PRIM2: variants seen among roughly 807,000 people sequenced by gnomAD.
The protein encoded by PRIM2 is DNA primase large subunit.
In PRIM2, 39 loss-of-function variants were observed where a neutral mutation model predicts 67.3. The observed-to-expected ratio is 0.58, with a 90% CI of 0.45 to 0.76. PRIM2 has a LOEUF of 0.76. Among genes scored for constraint, PRIM2 ranks in the 30% least tolerant of loss-of-function variants. The pLI is 0.00. For missense variants in PRIM2, 398 were observed against 598.7 expected (o/e 0.66, Z 3.50); for synonymous variants, 143 against 198.7 (o/e 0.72, Z 2.36).
intron 8 of PRIM2, among the ~76,000 whole-genome samples, chr6:57,526,439 G>A (rs1364729945): frequency 6.6e-6 from 1 of 152,112 alleles, no homozygotes; most frequent in East Asian, 1.9e-4. Flanking sequence ...TAAACTTGTG[G>A]AAAATTAGTG....
intron 10 of PRIM2, among the ~76,000 whole-genome samples, chr6:57,592,294 A>G (rs1316639084): frequency 4.9e-4 from 74 of 152,342 alleles, no homozygotes; most frequent in African/African-American, 1.7e-3. Context: ...ACAAACCTGC[A>G]TGTGTAATAA....
the PRIM2 span, among the ~76,000 whole-genome samples, chr6:57,294,625 A>G: frequency 6.6e-6 from 1 of 151,274 alleles, no homozygotes; most frequent in Non-Finnish European, 1.5e-5. Flanking sequence ...ATGTATAAAT[A>G]TATACATATA....
At chr6:57,291,184 C>G in the PRIM2 span, among the ~76,000 whole-genome samples, 1 of 152,116 alleles carries the variant, frequency 6.6e-6, no homozygotes, top group East Asian at 1.9e-4. Flanking sequence ...ACCAATCCCA[C>G]AGAAATATAA....
intron 10 of PRIM2, among the ~76,000 whole-genome samples, chr6:57,593,693 C>T (rs1370990539): frequency 2.6e-5 from 4 of 152,358 alleles, no homozygotes; most frequent in Admixed American, 2.6e-4. Flanking sequence ...CAAGTAAATA[C>T]AGTCTCTGTA....
At chr6:57,474,826 C>G (rs1314353059) in intron 7 of PRIM2, among the ~76,000 whole-genome samples, 1 of 152,164 alleles carries the variant, frequency 6.6e-6, no homozygotes, top group Non-Finnish European at 1.5e-5. Context: ...ACACCAGAGC[C>G]AAGCTTTTAA....
intron 7 of PRIM2, among the ~76,000 whole-genome samples, chr6:57,388,297 C>T (rs112174392): frequency 9.9e-5 from 15 of 152,028 alleles, no homozygotes; most frequent in South Asian, 2.1e-4. Flanking sequence ...GGAATGGAAG[C>T]GGGAGGACTA....
intron 7 of PRIM2, among the ~76,000 whole-genome samples, chr6:57,403,882 G>A: frequency 6.6e-6 from 1 of 150,996 alleles, no homozygotes. Flanking sequence ...ATCACAGACT[G>A]GGCAACATCA....
intron 5 of PRIM2, among the ~76,000 whole-genome samples, chr6:57,366,417 G>T (rs1769360263): frequency 6.6e-6 from 1 of 152,092 alleles, no homozygotes; most frequent in Non-Finnish European, 1.5e-5. Context: ...TGGGGATAAT[G>T]GAGTAAGTGA....
At chr6:57,490,184 G>T (rs1162053740) in intron 7 of PRIM2, among the ~76,000 whole-genome samples, 1 of 152,050 alleles carries the variant, frequency 6.6e-6, no homozygotes, top group African/African-American at 2.4e-5. Flanking sequence ...GCTGCTTTCT[G>T]GGACTTTAAA....
At chr6:57,638,452 T>A (rs1451440871) in intron 13 of PRIM2, among the ~76,000 whole-genome samples, 1 of 151,800 alleles carries the variant, frequency 6.6e-6, no homozygotes, top group Non-Finnish European at 1.5e-5. Flanking sequence ...AGACATAGAC[T>A]GGCAAATTGG....
upstream of PRIM2, among the ~76,000 whole-genome samples, chr6:57,317,384 C>T (rs1767511093): frequency 6.6e-6 from 1 of 152,134 alleles, no homozygotes; most frequent in South Asian, 2.1e-4. Flanking sequence ...GCATTCAGCA[C>T]CCCAGTTTCA....
At chr6:57,283,037 A>G in the PRIM2 span, among the ~76,000 whole-genome samples, 8,723 of 152,076 alleles carry the variant, frequency 0.057, 257 homozygotes, top group Non-Finnish European at 0.072. Flanking sequence ...TTTTAAAAAA[A>G]TTACCCCTTA....
At chr6:57,481,707 A>G (rs2127405864) in intron 7 of PRIM2, among the ~76,000 whole-genome samples, 1 of 152,240 alleles carries the variant, frequency 6.6e-6, no homozygotes, top group African/African-American at 2.4e-5. Flanking sequence ...ACTATTTCAC[A>G]TTCCCACCAG....
intron 13 of PRIM2, among the ~76,000 whole-genome samples, chr6:57,634,944 AGATGT>A (rs1777094541): frequency 6.6e-6 from 1 of 152,204 alleles, no homozygotes; most frequent in South Asian, 2.1e-4. Flanking sequence ...GTGGACTTTT[AGATGT>A]GAATATCCTC....
intron 5 of PRIM2, among the ~76,000 whole-genome samples, chr6:57,355,856 G>T (rs1769015117): frequency 6.6e-6 from 1 of 151,848 alleles, no homozygotes; most frequent in Non-Finnish European, 1.5e-5. Flanking sequence ...TGCCTGGGCT[G>T]GTCTCAAACT....
intron 7 of PRIM2, among the ~76,000 whole-genome samples, chr6:57,403,670 A>G (rs1376310551): frequency 1.3e-5 from 2 of 152,112 alleles, no homozygotes; most frequent in Non-Finnish European, 2.9e-5. Flanking sequence ...AAGAATTTTA[A>G]TGATTCTCTC....
chr6:57,571,163 G>T (rs1260856695), intron 10 of PRIM2, among the ~76,000 whole-genome samples: 1 of 151,964 alleles, frequency 6.6e-6, no homozygotes, highest in African/African-American at 2.4e-5. Context: ...TGTCATTTCT[G>T]TCAAAAGATT....
chr6:57,323,082 G>GT (rs11453364), intron 3 of PRIM2, among the ~76,000 whole-genome samples: 31,106 of 145,370 alleles, frequency 0.21, 3,536 homozygotes, highest in African/African-American at 0.31. Context: ...CCCTCATAGG[G>GT]TTTTTTTTTT....
chr6:57,253,831 T>C, the PRIM2 span, among the ~76,000 whole-genome samples: 2 of 152,220 alleles, frequency 1.3e-5, no homozygotes, highest in African/African-American at 2.4e-5. Context: ...GATTCCTCTA[T>C]TCCTCCAGAG....
Sources: allele counts gnomAD v4.1 joint callset (sites outside exome capture counted in the v4.1 genomes callset), GRCh38; gene constraint gnomAD v4.1.1; transcripts MANE v1.5; gene names NCBI Gene and HGNC (gene_info 2026-07-23, HGNC 2026-07-21).